The following MGAM2 variants were observed in gnomAD, a reference collection of about 807,000 sequenced individuals.
MGAM2 encodes the protein probable maltase-glucoamylase 2.
A neutral mutation model predicts 96.1 loss-of-function variants in MGAM2; 98 were observed. The ratio of observed to expected loss-of-function variants is 1.02; its 90% CI spans 0.87 to 1.21. The LOEUF is 1.21. Among genes scored for constraint, MGAM2 ranks in the 50% most tolerant of loss-of-function variants. The probability of loss-of-function intolerance (pLI) is 0.00; values close to 1 mark genes in which losing one functional copy is unlikely to be tolerated. For synonymous variants in MGAM2, 749 were observed against 414.8 expected, an observed-to-expected ratio of 1.81 and a Z score of -9.79; for missense variants, 2,055 against 1,182.4, an observed-to-expected ratio of 1.74 and a Z score of -10.82.
chr7:142,122,309 G>T (rs1794599710), intron 3 of MGAM2, among the ~76,000 whole-genome samples: 1 of 152,086 alleles, frequency 6.6e-6, no homozygotes, highest in Non-Finnish European at 1.5e-5. Flanking sequence ...ACAGTCCAAA[G>T]TTTGATTATA....
At position 142,197,429 on chromosome 7, in the gene MGAM2, C is replaced by G. The variant is rs1797079983; in HGVS notation, c.4662C>G (p.Thr1554=). 1 of 702,826 alleles carries G rather than the reference C, an allele frequency of 1.4e-6. No homozygotes were observed. The highest frequency in any genetic ancestry group is 2.6e-6 in the Non-Finnish European group (1 of 385,006). 43.5% of individuals were successfully genotyped at this position (702,826 alleles called of 1,614,324 possible). Residue 1554 remains threonine, a synonymous_variant, in exon 41 of 48, where the codon ACC becomes ACG. Transcript: ENST00000477922. ...RRQDPVAWNS[T]FEMLSRKVLE... ...AAGATCCTGTGGCCTGGAATTCAAC[C>G]TTTGAGATGTTGTCCAGAAAAGTCC...
At chr7:142,152,032 G>A (rs1346888838) in intron 15 of MGAM2, among the ~76,000 whole-genome samples, 1 of 152,030 alleles carries the variant, frequency 6.6e-6, no homozygotes, top group African/African-American at 2.4e-5. Flanking sequence ...CCCACCTCTA[G>A]GCTGAAAGCC....
At chr7:142,119,797 G>A (rs149640760) in intron 2 of MGAM2, among the ~76,000 whole-genome samples, 7 of 152,304 alleles carry the variant, frequency 4.6e-5, no homozygotes, top group South Asian at 2.1e-4. Flanking sequence ...AAGGAGCCAG[G>A]CACAAAAGGC....
In MGAM2 at chr7:142,148,722, C is replaced by T. The variant is rs1307514251; in HGVS notation, c.1634+1149C>T. On this transcript the variant is annotated intron_variant, in intron 15 of 47. Coordinates refer to ENST00000477922, the MANE Select transcript of MGAM2 (RefSeq NM_001293626.2). The surrounding 1 kb of genome is among the most constrained non-coding windows in gnomAD (Gnocchi z 4.2). ...GGAAACTAAAGAGCTGCTGTGGATC[C>T]TCCAGTGGCTTAGGAAAGAGCATCT... Among the ~76,000 whole-genome samples, 1 of 152,156 alleles carries T rather than the reference C, an allele frequency of 6.6e-6. No individual in the cohort carries two copies.
At position 142,129,480 on chromosome 7, in the gene MGAM2, C is replaced by T. The variant is rs554474049; in HGVS notation, c.187-1468C>T. Among the ~76,000 whole-genome samples, 33 of 152,206 alleles carry T rather than the reference C, an allele frequency of 2.2e-4. No homozygotes were observed. The East Asian group carries it at 4.4e-3, about 20-fold the overall frequency. On this transcript the variant is annotated intron_variant, in intron 3 of 47. Transcript: ENST00000477922. ...TTTGACTCTGTGTCCCCACCTAAAT[C>T]GCACCTTGAATTGTAATTGAATTTC...
chr7:142,174,650 T>G (rs1159712862), intron 31 of MGAM2, among the ~76,000 whole-genome samples: 2 of 151,738 alleles, frequency 1.3e-5, no homozygotes, highest in African/African-American at 4.8e-5. Flanking sequence ...TTATGTCATC[T>G]GCGAATATGA....
Position 142,220,585 on chromosome 7 carries a change from T to A in MGAM2, c.6074T>A (p.Phe2025Tyr). 1 of 698,392 alleles carries A rather than the reference T, an allele frequency of 1.4e-6. No homozygotes were observed. Among genetic ancestry groups the A allele is most frequent in the Non-Finnish European group, 2.6e-6 (1 of 384,602 alleles). The allele number at this position is 698,392 out of a possible 1,614,324, so 43.3% of individuals were successfully genotyped here. Residue 2025 changes from phenylalanine (F) to tyrosine (Y), a missense_variant, in exon 48 of 48, where the codon TTT becomes TAT. Physicochemically the swap from Phe to Tyr is conservative, Grantham distance 22 (BLOSUM62 3). Coordinates refer to ENST00000477922, the MANE Select transcript of MGAM2 (RefSeq NM_001293626.2). ...ATPVPITTTL[F>Y]ATSTIGVTTG... is the part of the protein sequence containing the mutation. ...CCTGTTCCTATCACAACCACACTTT[T>A]TGCAACAAGTACTATTGGTGTTACA...
chr7:142,139,414 C>T (rs1403866496), intron 10 of MGAM2, among the ~76,000 whole-genome samples: 1 of 152,132 alleles, frequency 6.6e-6, no homozygotes, highest in South Asian at 2.1e-4. Context: ...AATCTCAGCA[C>T]TTTGGGAGGC....
At chr7:142,218,289 AAT>A (rs1175757297) in intron 46 of MGAM2, 70 bp from the exon 47 acceptor site, 50 of 488,758 alleles carry the variant, frequency 1.0e-4, no homozygotes, top group African/African-American at 8.8e-4. Context: ...TAGGTTTGTT[AAT>A]ATTTTAATAT....
At position 142,161,384 on chromosome 7, in the gene MGAM2, G is replaced by A. The variant is rs548072909; in HGVS notation, c.2434+171G>A. ...GAAAATTCCATTAGCCAGGCACAAT[G>A]CATTAAAATAGACTTCAAATGCACA... On this transcript the variant is annotated intron_variant, in intron 22 of 47. Transcript: ENST00000477922. Among the ~76,000 whole-genome samples the A allele has an allele frequency of 1.2e-3, 190 of 152,270 alleles. 1 individual carries two copies. Among genetic ancestry groups the A allele is most frequent in the Non-Finnish European group, 2.2e-3 (149 of 68,030 alleles).
chr7:142,134,197 C>T (rs753014148), intron 7 of MGAM2, 45 bp downstream of exon 7: 22 of 683,016 alleles, frequency 3.2e-5, no homozygotes, highest in African/African-American at 7.0e-5. Flanking sequence ...TAAGGGATAC[C>T]CTCCTTCCTT....
chr7:142,219,935 T>A lies in MGAM2; in HGVS notation c.5424T>A (p.Ile1808=). The A allele has an allele frequency of 1.4e-6, 1 of 702,850 alleles. No individual in the cohort carries two copies. The highest frequency in any genetic ancestry group is 2.6e-6 in the Non-Finnish European group (1 of 384,874). The allele number at this position is 702,850 out of a possible 1,614,324, so 43.5% of individuals were successfully genotyped here. ...NLEKLTEVTW[I]DGGPVLPTPT... is the part of the protein sequence containing the mutation. The stretch of plus-strand genomic sequence containing the variant: ...AAAAGTTAACTGAGGTTACTTGGAT[T>A]GATGGTGGTCCTGTACTTCCTACTC... Residue 1808 remains isoleucine (I), a synonymous_variant, in exon 48 of 48, where the codon ATT becomes ATA. Coordinates refer to ENST00000477922, the MANE Select transcript of MGAM2 (RefSeq NM_001293626.2).
At chr7:142,150,585 A>C (rs1478362884) in intron 15 of MGAM2, among the ~76,000 whole-genome samples, 1 of 152,108 alleles carries the variant, frequency 6.6e-6, no homozygotes, top group Non-Finnish European at 1.5e-5. Context: ...AAACATTAGC[A>C]TCTTGGACCT....
chr7:142,117,926 C>T (rs1470107241), intron 2 of MGAM2, among the ~76,000 whole-genome samples: 2 of 148,688 alleles, frequency 1.3e-5, no homozygotes, highest in Non-Finnish European at 2.9e-5. Flanking sequence ...GTTCTGCTTT[C>T]AACTGTTTTT....
At chr7:142,127,824 A>G (rs1368299344) in intron 3 of MGAM2, among the ~76,000 whole-genome samples, 1 of 152,186 alleles carries the variant, frequency 6.6e-6, no homozygotes, top group Non-Finnish European at 1.5e-5. Context: ...TTTCCTTTAT[A>G]AATTACACAG....
rs981312836 is a variant in MGAM2, at chr7:142,147,585, G to T, written c.1634+12G>T. 30 of 700,082 alleles carry T rather than the reference G, an allele frequency of 4.3e-5. No homozygotes were observed. In the African/African-American group the frequency reaches 4.7e-4, roughly 11 times the overall value. The allele number at this position is 700,082 out of a possible 1,614,324, so 43.4% of individuals were successfully genotyped here. On this transcript the variant is annotated intron_variant, in intron 15 of 47. Transcript: ENST00000477922. ...AGAACCACAAACTTGTAAGGACTTGGTTTTCACCCTAATTCCAGATATGTG... is the reference window on the plus strand; with the variant it reads ...AGAACCACAAACTTGTAAGGACTTGTTTTTCACCCTAATTCCAGATATGTG...
chr7:142,139,083 G>A (rs1795142138), intron 10 of MGAM2, among the ~76,000 whole-genome samples: 1 of 152,122 alleles, frequency 6.6e-6, no homozygotes, highest in Non-Finnish European at 1.5e-5. Context: ...AAGCAACACT[G>A]GAGGTGACAT....
intron 35 of MGAM2, among the ~76,000 whole-genome samples, chr7:142,186,783 C>T (rs1304846734): frequency 6.6e-6 from 1 of 152,176 alleles, no homozygotes; most frequent in Non-Finnish European, 1.5e-5. Context: ...TGATTCACTC[C>T]AGAGACAAAA....
At chr7:142,206,039 G>A (rs1797390349) in intron 45 of MGAM2, among the ~76,000 whole-genome samples, 1 of 151,998 alleles carries the variant, frequency 6.6e-6, no homozygotes, top group Admixed American at 6.6e-5. Context: ...TCTGTGAAAA[G>A]TCTATTATTT....
Sources: allele counts gnomAD v4.1 joint callset (sites outside exome capture counted in the v4.1 genomes callset), GRCh38; gene constraint gnomAD v4.1.1; non-coding constraint Gnocchi (gnomAD v3.1); transcripts MANE v1.5; gene names NCBI Gene and HGNC (gene_info 2026-07-23, HGNC 2026-07-21).